The following MARCHF1 variants were observed in gnomAD, a reference collection of about 807,000 sequenced individuals.
MARCHF1 encodes E3 ubiquitin-protein ligase MARCHF1.
MARCHF1 carries 40 observed loss-of-function variants against 54.2 expected under a neutral mutation model. The ratio of observed to expected loss-of-function variants is 0.74; its 90% CI spans 0.57 to 0.96. MARCHF1 has a LOEUF of 0.96. Among genes scored for constraint, MARCHF1 ranks in the 40% least tolerant of loss-of-function variants. MARCHF1 has a pLI of 0.00. For missense variants in MARCHF1, 586 were observed against 656.5 expected, an observed-to-expected ratio of 0.89 and a Z score of 1.17; for synonymous variants, 236 against 236.3, an observed-to-expected ratio of 1.00 and a Z score of 0.01.
At chr4:163,530,920 T>C (rs888293019) in intron 9 of MARCHF1, among the ~76,000 whole-genome samples, 1 of 151,826 alleles carries the variant, frequency 6.6e-6, no homozygotes, top group Non-Finnish European at 1.5e-5. Flanking sequence ...AAATAAGAGA[T>C]CATTACAGTG....
intron 2 of MARCHF1, among the ~76,000 whole-genome samples, chr4:164,097,673 C>T (rs926958547): frequency 1.3e-5 from 2 of 152,078 alleles, no homozygotes; most frequent in African/African-American, 4.8e-5. Context: ...ATAACCTTCA[C>T]CAGACTTCCA....
chr4:164,035,930 TAA>T (rs35474146), intron 2 of MARCHF1, among the ~76,000 whole-genome samples: 17,256 of 116,690 alleles, frequency 0.15, 1,244 homozygotes, highest in South Asian at 0.22. Flanking sequence ...AAACTAAAAC[TAA>T]AAAAAAAAAA....
intron 2 of MARCHF1, among the ~76,000 whole-genome samples, chr4:164,000,606 T>C (rs1445375027): frequency 1.3e-5 from 2 of 151,656 alleles, no homozygotes; most frequent in Admixed American, 1.3e-4. Flanking sequence ...ATTACTAAGT[T>C]AGATAGAATG....
intron 3 of MARCHF1, among the ~76,000 whole-genome samples, chr4:163,870,975 A>G (rs1026976933): frequency 3.3e-5 from 5 of 152,190 alleles, no homozygotes; most frequent in South Asian, 2.1e-4. Context: ...AAATAGCTAT[A>G]AAGAACAAAT....
chr4:164,274,303 T>C (rs1733816980), intron 1 of MARCHF1, among the ~76,000 whole-genome samples: 1 of 152,206 alleles, frequency 6.6e-6, no homozygotes, highest in Non-Finnish European at 1.5e-5. Flanking sequence ...GCCTTATCCA[T>C]ACCTTCAAGT....
intron 2 of MARCHF1, among the ~76,000 whole-genome samples, chr4:164,043,568 C>A (rs1754177471): frequency 6.6e-6 from 1 of 152,124 alleles, no homozygotes; most frequent in African/African-American, 2.4e-5. Flanking sequence ...ATGGGAGGTG[C>A]TGCTGTAAAG....
intron 1 of MARCHF1, among the ~76,000 whole-genome samples, chr4:164,152,640 C>A (rs973713242): frequency 4.6e-5 from 7 of 152,280 alleles, no homozygotes; most frequent in Non-Finnish European, 7.4e-5. Flanking sequence ...TTCTTTCCTT[C>A]CCAGATCCAG....
intron 1 of MARCHF1, among the ~76,000 whole-genome samples, chr4:164,317,386 G>T (rs1476151833): frequency 6.6e-6 from 1 of 152,224 alleles, no homozygotes; most frequent in Middle Eastern, 3.4e-3. Flanking sequence ...CCTCAAAGTT[G>T]TACCAGATTC....
At chr4:164,142,460 C>G (rs62350029) in intron 1 of MARCHF1, among the ~76,000 whole-genome samples, 58,411 of 151,908 alleles carry the variant, frequency 0.38, 12,536 homozygotes, top group Non-Finnish European at 0.49. Flanking sequence ...TCTCCCAGCA[C>G]GCAGCTGGAG....
chr4:163,756,464 TA>T (rs536318351), intron 4 of MARCHF1, among the ~76,000 whole-genome samples: 48 of 147,120 alleles, frequency 3.3e-4, no homozygotes, highest in Admixed American at 1.4e-3. Context: ...CTGTCTCTAT[TA>T]AAAAAAAAAT....
intron 1 of MARCHF1, among the ~76,000 whole-genome samples, chr4:164,342,086 GA>G (rs1457421547): frequency 1.3e-5 from 2 of 151,872 alleles, no homozygotes; most frequent in Non-Finnish European, 2.9e-5. Context: ...CAATATATAA[GA>G]AAATCACAAA....
At chr4:163,757,941 C>A (rs1746725377) in intron 4 of MARCHF1, among the ~76,000 whole-genome samples, 1 of 152,096 alleles carries the variant, frequency 6.6e-6, no homozygotes, top group Non-Finnish European at 1.5e-5. Context: ...TCAGAGTAAT[C>A]ATTTCCGTGT....
At chr4:163,829,901 T>C (rs1196356457) in intron 4 of MARCHF1, among the ~76,000 whole-genome samples, 1 of 152,226 alleles carries the variant, frequency 6.6e-6, no homozygotes, top group African/African-American at 2.4e-5. Flanking sequence ...TAACTTGGCC[T>C]TGCCTGGCTT....
chr4:163,999,971 A>G (rs973426637), intron 2 of MARCHF1, among the ~76,000 whole-genome samples: 1 of 151,744 alleles, frequency 6.6e-6, no homozygotes, highest in Non-Finnish European at 1.5e-5. Context: ...GATGTACAGA[A>G]TGCAGATCAA....
chr4:163,720,379 T>C (rs1198386593), intron 4 of MARCHF1, among the ~76,000 whole-genome samples: 1 of 152,198 alleles, frequency 6.6e-6, no homozygotes, highest in Non-Finnish European at 1.5e-5. Context: ...TCTGTTCCAT[T>C]GGTCTATATC....
At chr4:163,636,283 T>C (rs1742318962) in intron 5 of MARCHF1, among the ~76,000 whole-genome samples, 1 of 149,200 alleles carries the variant, frequency 6.7e-6, no homozygotes, top group African/African-American at 2.5e-5. Context: ...GGTATTCAAT[T>C]AGGAAAAGAG....
At chr4:164,010,899 G>A (rs2110941990) in intron 2 of MARCHF1, among the ~76,000 whole-genome samples, 1 of 152,152 alleles carries the variant, frequency 6.6e-6, no homozygotes, top group East Asian at 1.9e-4. Flanking sequence ...GCATGATACT[G>A]GCATAAAAAC....
chr4:164,210,295 G>A (rs1731728487), intron 1 of MARCHF1, among the ~76,000 whole-genome samples: 2 of 152,236 alleles, frequency 1.3e-5, no homozygotes, highest in South Asian at 2.1e-4. Context: ...CATTTTAGAG[G>A]TAAAATTGAC....
At chr4:163,581,513 T>C (rs909771541) in intron 8 of MARCHF1, among the ~76,000 whole-genome samples, 2 of 152,218 alleles carry the variant, frequency 1.3e-5, no homozygotes, top group Admixed American at 6.5e-5. Flanking sequence ...TTTAAGGCTA[T>C]TAATGATAAG....
Sources: allele counts gnomAD v4.1 joint callset (sites outside exome capture counted in the v4.1 genomes callset), GRCh38; gene constraint gnomAD v4.1.1; transcripts MANE v1.5; gene names NCBI Gene and HGNC (gene_info 2026-07-23, HGNC 2026-07-21).